SLC17A5: variants seen among roughly 807,000 people sequenced by gnomAD.
The protein encoded by SLC17A5 is solute carrier family 17 member 5.
SLC17A5 carries 47 observed loss-of-function variants against 59.4 expected under a neutral mutation model. That is an observed-to-expected ratio of 0.79 (90% CI 0.63 to 1.01). SLC17A5 has a LOEUF of 1.01. Ranked by LOEUF, SLC17A5 falls within the 50% of genes least tolerant of loss-of-function variation. The pLI, the probability that SLC17A5 is intolerant of heterozygous loss-of-function variation, is 0.00. For synonymous variants in SLC17A5, 202 were observed against 210.7 expected (o/e 0.96, Z 0.36); for missense variants, 522 against 595.5 (o/e 0.88, Z 1.28).
At position 73,641,717 on chromosome 6, in the gene SLC17A5, G is replaced by A; in HGVS notation, c.499C>T (p.Leu167Phe). 6.2e-7 allele frequency: 1 copy of A among 1,613,918 alleles called. No individual in the cohort carries two copies. The highest frequency in any genetic ancestry group is 1.1e-5 in the South Asian group (1 of 91,076). Reference sequence around the variant, plus strand: ...TCTCCTAGTCCTTCTAGTGCTCTGAGTACAATGAGTGGTCCAACTCCTAAA... The same window carrying A: ...TCTCCTAGTCCTTCTAGTGCTCTGAATACAATGAGTGGTCCAACTCCTAAA... ...ADLGVGPLIV[L>F]RALEGLGEGV... Residue 167 changes from leucine to phenylalanine, a missense_variant, in exon 3 of 11, where the codon CTC (leucine) becomes TTC (phenylalanine). Physicochemically the swap from Leu to Phe is conservative, Grantham distance 22. Around this residue, in one of 3 missense-constraint regions of SLC17A5, gnomAD observed 338 missense variants for 363.8 expected, o/e 0.93. Coordinates refer to ENST00000355773, the MANE Select transcript of SLC17A5 (RefSeq NM_012434.5).
At chr6:73,651,145 C>T (rs1769838313) in intron 1 of SLC17A5, among the ~76,000 whole-genome samples, 1 of 152,132 alleles carries the variant, frequency 6.6e-6, no homozygotes, top group Non-Finnish European at 1.5e-5. Context: ...TATTGAGATC[C>T]TGATTTGAAC....
At chr6:73,643,089 C>A (rs1435792904) in intron 2 of SLC17A5, among the ~76,000 whole-genome samples, 5 of 152,022 alleles carry the variant, frequency 3.3e-5, no homozygotes, top group Non-Finnish European at 5.9e-5. Context: ...AGAGGAGATT[C>A]ATCTAAGTAT....
In SLC17A5 at chr6:73,593,757, C is replaced by A. The variant is rs1766675293; in HGVS notation, c.*1320G>T. 6.6e-6 allele frequency: 1 copy of A among 152,224 alleles called. No homozygotes were observed. The highest frequency in any genetic ancestry group is 2.4e-5 in the African/African-American group (1 of 41,536). The allele number at this position is 152,224 out of a possible 1,614,324, so 9.4% of individuals were successfully genotyped here. A position where few individuals can be genotyped will look rare whatever the true frequency, so the allele number is the denominator to read the frequency against. On this transcript the variant is annotated 3_prime_UTR_variant, in exon 11 of 11. Transcript: ENST00000355773. The stretch of plus-strand genomic sequence containing the variant: ...GTGAGAATTAATTAAAAAAAAAATT[C>A]TCGTGTAGCTTAAAAACATAGAACA...
At chr6:73,630,172 T>C (rs1048630216) in intron 6 of SLC17A5, among the ~76,000 whole-genome samples, 3 of 151,826 alleles carry the variant, frequency 2.0e-5, no homozygotes, top group Admixed American at 6.6e-5. Context: ...TTTGTATTTT[T>C]ACTAGAGATG....
intron 4 of SLC17A5, among the ~76,000 whole-genome samples, chr6:73,637,211 T>TAAAGG (rs1184143841): frequency 1.3e-5 from 2 of 151,706 alleles, no homozygotes; most frequent in Non-Finnish European, 2.9e-5. Flanking sequence ...TTCATTTGGG[T>TAAAGG]AAAGGAAAGG....
chr6:73,633,889 AT>A (rs199533797), intron 6 of SLC17A5, among the ~76,000 whole-genome samples: 6 of 151,290 alleles, frequency 4.0e-5, no homozygotes, highest in African/African-American at 9.7e-5. Flanking sequence ...AAAAAAAAAA[AT>A]AAATAAAATA....
chr6:73,637,747 T>C (rs1250372685), intron 4 of SLC17A5, among the ~76,000 whole-genome samples: 7 of 152,204 alleles, frequency 4.6e-5, no homozygotes, highest in African/African-American at 1.7e-4. Flanking sequence ...CCTTCAGATT[T>C]TAGCTTAAAA....
At position 73,600,359 on chromosome 6, in the gene SLC17A5, TC is replaced by T. The variant is rs753049782; in HGVS notation, c.1341del (p.Thr448ProfsTer54). ...GTAAATTATCTACTTACATCAGGGG[TC>T]AGACTTTTAGCAATGACGGGCCCAA... Reference protein sequence around the residue: ...GMVGPVIAKSLTPDNTVGEWQ... With the variant: ...GMVGPVIAKSXTPDNTVGEWQ... On this transcript the variant is annotated frameshift_variant, in exon 10 of 11. Transcript: ENST00000355773. LOFTEE classifies it high-confidence loss of function. The T allele has an allele frequency of 6.2e-7, 1 of 1,612,956 alleles. No individual in the cohort carries two copies. The highest frequency in any genetic ancestry group is 2.2e-5 in the East Asian group (1 of 44,878).
In SLC17A5 at chr6:73,642,786, A is replaced by G. The variant is rs139362380; in HGVS notation, c.292-862T>C. On this transcript the variant is annotated intron_variant, in intron 2 of 10. Transcript: ENST00000355773. ...TACTGCTGATATAAGGCAGATGAAGATAAGTAGCAGGGTCAACAAAAGCAC... is the reference window on the plus strand; with the variant it reads ...TACTGCTGATATAAGGCAGATGAAGGTAAGTAGCAGGGTCAACAAAAGCAC... 2.6e-3 allele frequency among the ~76,000 whole-genome samples: 392 copies of G among 152,358 alleles called. 12 individuals are homozygous for G. The highest frequency in any genetic ancestry group is 0.024 in the Admixed American group (366 of 15,302).
At chr6:73,623,609 C>T (rs1157804619) in intron 6 of SLC17A5, among the ~76,000 whole-genome samples, 1 of 152,138 alleles carries the variant, frequency 6.6e-6, no homozygotes, top group African/African-American at 2.4e-5. Flanking sequence ...TCTGGGATTA[C>T]AGGTGTGAGC....
intron 7 of SLC17A5, among the ~76,000 whole-genome samples, chr6:73,616,264 C>T (rs1166297463): frequency 6.6e-6 from 1 of 152,038 alleles, no homozygotes; most frequent in Non-Finnish European, 1.5e-5. Flanking sequence ...TGGTCCTAGT[C>T]CTATCAGAGC....
chr6:73,642,692 T>C (rs542927854), intron 2 of SLC17A5, among the ~76,000 whole-genome samples: 87 of 152,342 alleles, frequency 5.7e-4, no homozygotes, highest in African/African-American at 1.9e-3. Flanking sequence ...TCTGAGTATC[T>C]GACATTTTTA....
chr6:73,596,316 G>A (rs1356678717), intron 10 of SLC17A5, among the ~76,000 whole-genome samples: 1 of 152,146 alleles, frequency 6.6e-6, no homozygotes, highest in Non-Finnish European at 1.5e-5. Flanking sequence ...ATGAACTCAA[G>A]TTCAGCTTTG....
chr6:73,600,997 G>GCC (rs528457450), intron 9 of SLC17A5, among the ~76,000 whole-genome samples: 1 of 152,004 alleles, frequency 6.6e-6, no homozygotes, highest in Non-Finnish European at 1.5e-5. Context: ...TCTCTGCCTG[G>GCC]CCGCCCATCG....
At position 73,635,495 on chromosome 6, in the gene SLC17A5, T is replaced by C. The variant is rs1473996933; in HGVS notation, c.706A>G (p.Ile236Val). Residue 236 changes from isoleucine to valine, a missense_variant, in exon 6 of 11, where the codon ATT (isoleucine) becomes GTT (valine). Coordinates refer to ENST00000355773, the MANE Select transcript of SLC17A5 (RefSeq NM_012434.5). ...CACAAAAGAAACCAAAATATTCCAA[T>C]AGTACCTTAAAATAGAAAAATAATA... ...WTYVFYFFGT[I>V]GIFWFLLWIW... The C allele has an allele frequency of 1.3e-6, 2 of 1,499,332 alleles. No homozygotes were observed. The highest frequency in any genetic ancestry group is 1.8e-6 in the Non-Finnish European group (2 of 1,082,754). The allele number at this position is 1,499,332 out of a possible 1,614,324, so 92.9% of individuals were successfully genotyped here.
Position 73,651,483 on chromosome 6 carries a change from A to AAAAAC in SLC17A5, c.94+2309_94+2310insGTTTT, listed in dbSNP as rs1368983159. ...CTCAAAAAAAAAAAAAAAAAAAAAA[A>AAAAAC]ATCAGGACATAATTGAGGAAATATG... On this transcript the variant is annotated intron_variant, in intron 1 of 10. Coordinates refer to ENST00000355773, the MANE Select transcript of SLC17A5 (RefSeq NM_012434.5). Among the ~76,000 whole-genome samples, 126 of 133,904 alleles carry AAAAAC rather than the reference A, an allele frequency of 9.4e-4. 2 individuals carry two copies. Among genetic ancestry groups the AAAAAC allele is most frequent in the Non-Finnish European group, 1.6e-3 (96 of 59,850 alleles). The allele number at this position is 133,904 out of a possible 152,430, so 87.8% of individuals were successfully genotyped here.
chr6:73,648,918 T>A (rs1010349099), intron 1 of SLC17A5, among the ~76,000 whole-genome samples: 2 of 152,086 alleles, frequency 1.3e-5, no homozygotes, highest in Admixed American at 6.6e-5. Flanking sequence ...AGTATCTAGA[T>A]TATGTATTGT....
At chr6:73,598,186 T>C (rs555356473) in intron 10 of SLC17A5, among the ~76,000 whole-genome samples, 84 of 152,230 alleles carry the variant, frequency 5.5e-4, no homozygotes, top group Non-Finnish European at 1.0e-3. Flanking sequence ...CAGCTCCTAG[T>C]TTGTTTTTTA....
At chr6:73,650,754 G>C (rs1438582035) in intron 1 of SLC17A5, among the ~76,000 whole-genome samples, 2 of 151,824 alleles carry the variant, frequency 1.3e-5, no homozygotes, top group Non-Finnish European at 1.5e-5. Flanking sequence ...AAGCAAAATG[G>C]AGAGGGCTGA....
Sources: allele counts gnomAD v4.1 joint callset (sites outside exome capture counted in the v4.1 genomes callset), GRCh38; gene constraint gnomAD v4.1.1; regional missense constraint gnomAD v4.1.1; transcripts MANE v1.5; gene names NCBI Gene and HGNC (gene_info 2026-07-23, HGNC 2026-07-21).